EFNA5: variants seen among roughly 807,000 people sequenced by gnomAD.
The protein encoded by EFNA5 is ephrin A5.
EFNA5 carries 5 observed loss-of-function variants against 22.9 expected under a neutral mutation model. The observed-to-expected ratio is 0.22, with a 90% CI of 0.11 to 0.46. EFNA5 has a LOEUF of 0.46. EFNA5 is among the 20% of genes least tolerant of loss of function. The probability of loss-of-function intolerance (pLI) is 0.99; values close to 1 mark genes in which losing one functional copy is unlikely to be tolerated. For missense variants in EFNA5, 237 were observed against 293.3 expected, an observed-to-expected ratio of 0.81 and a Z score of 1.40; for synonymous variants, 113 against 112.2, an observed-to-expected ratio of 1.01 and a Z score of -0.04.
At chr5:107,650,234 A>G (rs1750702633) in intron 1 of EFNA5, among the ~76,000 whole-genome samples, 1 of 152,236 alleles carries the variant, frequency 6.6e-6, no homozygotes, top group African/African-American at 2.4e-5. Context: ...ACGCAATTCA[A>G]CGAAAAGACT....
chr5:107,649,593 T>C (rs1750689184), intron 1 of EFNA5, among the ~76,000 whole-genome samples: 1 of 152,144 alleles, frequency 6.6e-6, no homozygotes, highest in Non-Finnish European at 1.5e-5. Context: ...ACATCCTATT[T>C]TACATAAGTG....
chr5:107,478,693 T>C (rs540527185), intron 1 of EFNA5, among the ~76,000 whole-genome samples: 1 of 152,320 alleles, frequency 6.6e-6, no homozygotes, highest in South Asian at 2.1e-4. Flanking sequence ...GTGGAGCTCA[T>C]TGGTCTTAAT....
At chr5:107,656,815 A>G (rs1750835884) in intron 1 of EFNA5, among the ~76,000 whole-genome samples, 1 of 152,142 alleles carries the variant, frequency 6.6e-6, no homozygotes, top group Admixed American at 6.6e-5. Flanking sequence ...TAAATGGCAT[A>G]CTTACAACTC....
At chr5:107,387,366 A>C in intron 3 of EFNA5, 51 bp from the exon 4 acceptor site, 1 of 1,212,448 alleles carries the variant, frequency 8.2e-7, no homozygotes, top group Non-Finnish European at 1.2e-6. Flanking sequence ...AGACACCCTT[A>C]AACTCCCATT....
At chr5:107,536,017 C>A (rs1747922343) in intron 1 of EFNA5, among the ~76,000 whole-genome samples, 1 of 152,146 alleles carries the variant, frequency 6.6e-6, no homozygotes. Context: ...TCCCTCTCCC[C>A]ACTAGCCAAG....
At chr5:107,455,168 T>A (rs1243247377) in intron 1 of EFNA5, among the ~76,000 whole-genome samples, 1 of 152,186 alleles carries the variant, frequency 6.6e-6, no homozygotes, top group Non-Finnish European at 1.5e-5. Context: ...CGAGGTTTGT[T>A]GGATGTGGTG....
chr5:107,455,034 C>G (rs535584556), intron 1 of EFNA5, among the ~76,000 whole-genome samples: 1 of 152,278 alleles, frequency 6.6e-6, no homozygotes, highest in African/African-American at 2.4e-5. Flanking sequence ...TTTCCATCTA[C>G]CTGCTGGACT....
chr5:107,633,411 C>T (rs1416260278), intron 1 of EFNA5, among the ~76,000 whole-genome samples: 1 of 152,172 alleles, frequency 6.6e-6, no homozygotes, highest in African/African-American at 2.4e-5. Context: ...CCAAGTAAGC[C>T]CAGGCCCTTC....
chr5:107,455,211 C>G (rs1749665693), intron 1 of EFNA5, among the ~76,000 whole-genome samples: 2 of 152,110 alleles, frequency 1.3e-5, no homozygotes, highest in Non-Finnish European at 2.9e-5. Context: ...ATACACAGAC[C>G]CAAAGATCTC....
chr5:107,583,442 G>A (rs928543041), intron 1 of EFNA5, among the ~76,000 whole-genome samples: 4 of 152,254 alleles, frequency 2.6e-5, no homozygotes, highest in Admixed American at 2.0e-4. Context: ...ACTGAGCGTC[G>A]GCAAGGCAAC....
Position 107,644,393 on chromosome 5 carries a change from T to G in EFNA5, c.125+26096A>C, listed in dbSNP as rs191641578. On this transcript the variant is annotated intron_variant, in intron 1 of 4. Transcript: ENST00000333274. The stretch of plus-strand genomic sequence containing the variant: ...TTATGTAGAAAAAAATGAGAACATT[T>G]TGCTTCGTTTCAAAAATTATTTATT... 3.8e-3 allele frequency among the ~76,000 whole-genome samples: 586 copies of G among 152,284 alleles called. 12 individuals carry two copies. The highest frequency in any genetic ancestry group is 1.7e-3 in the East Asian group (9 of 5,182).
intron 1 of EFNA5, among the ~76,000 whole-genome samples, chr5:107,660,916 C>T (rs878934947): frequency 2.0e-5 from 3 of 152,066 alleles, no homozygotes; most frequent in Non-Finnish European, 4.4e-5. Flanking sequence ...ATAAACGGAG[C>T]TCCCGCCAGA....
chr5:107,602,523 A>C (rs1370132734), intron 1 of EFNA5, among the ~76,000 whole-genome samples: 1 of 152,222 alleles, frequency 6.6e-6, no homozygotes, highest in African/African-American at 2.4e-5. Flanking sequence ...GGAACAAAAC[A>C]AACGAACATT....
chr5:107,597,845 T>C (rs1239629757), intron 1 of EFNA5, among the ~76,000 whole-genome samples: 1 of 152,166 alleles, frequency 6.6e-6, no homozygotes, highest in Non-Finnish European at 1.5e-5. Context: ...CTTCAGCTGC[T>C]GATAATGCGC....
At position 107,642,642 on chromosome 5, in the gene EFNA5, G is replaced by A. The variant is rs2112545606; in HGVS notation, c.125+27847C>T. ...TTATAGCATTCTCTAAAATATGTGTGTTTTTACTTTCCTGAAGGACATGAA... is the reference window on the plus strand; with the variant it reads ...TTATAGCATTCTCTAAAATATGTGTATTTTTACTTTCCTGAAGGACATGAA... On this transcript the variant is annotated intron_variant, in intron 1 of 4. Coordinates refer to ENST00000333274, the MANE Select transcript of EFNA5 (RefSeq NM_001962.3). Among the ~76,000 whole-genome samples, 2 of 152,236 alleles carry A rather than the reference G, an allele frequency of 1.3e-5. 1 individual carries two copies. The highest frequency in any genetic ancestry group is 4.1e-4 in the South Asian group (2 of 4,826).
At chr5:107,566,123 G>A (rs893740682) in intron 1 of EFNA5, among the ~76,000 whole-genome samples, 8 of 152,172 alleles carry the variant, frequency 5.3e-5, no homozygotes, top group African/African-American at 1.9e-4. Context: ...CTTATGGGCT[G>A]GTGGTCCCCT....
intron 1 of EFNA5, among the ~76,000 whole-genome samples, chr5:107,575,153 C>T (rs1748900927): frequency 6.6e-6 from 1 of 152,166 alleles, no homozygotes; most frequent in African/African-American, 2.4e-5. Context: ...ATAAATATAA[C>T]AAGCAGTTAA....
At chr5:107,427,920 T>C (rs1748848494) in intron 1 of EFNA5, among the ~76,000 whole-genome samples, 1 of 152,192 alleles carries the variant, frequency 6.6e-6, no homozygotes. Flanking sequence ...TATTTTTGAA[T>C]AAATGAATGA....
intron 1 of EFNA5, among the ~76,000 whole-genome samples, chr5:107,662,206 G>T (rs1279172057): frequency 6.6e-6 from 1 of 152,138 alleles, no homozygotes; most frequent in Non-Finnish European, 1.5e-5. Context: ...ACTCGTACCT[G>T]AACTTTAACC....
Sources: gnomAD v4.1 joint callset for allele counts (sites outside exome capture counted in the v4.1 genomes callset) on GRCh38, gnomAD v4.1.1 for gene constraint, MANE v1.5 for transcripts, NCBI Gene and HGNC (gene_info 2026-07-23, HGNC 2026-07-21) for gene names.